The following EXT1 variants were observed in gnomAD, a reference collection of about 807,000 sequenced individuals.
EXT1 encodes the protein exostosin-1.
EXT1 carries 20 observed loss-of-function variants against 82.5 expected under a neutral mutation model. The ratio of observed to expected loss-of-function variants is 0.24; its 90% confidence interval spans 0.17 to 0.35. The LOEUF (loss-of-function observed/expected upper bound fraction) is 0.35, where lower values mean the gene tolerates loss of function less well. Ranked by LOEUF, EXT1 falls within the 10% of genes least tolerant of loss-of-function variation. The pLI, the probability that EXT1 is intolerant of heterozygous loss-of-function variation, is 1.00. For synonymous variants in EXT1, 348 were observed against 350.8 expected, an observed-to-expected ratio of 0.99 and a Z score of 0.09; for missense variants, 757 against 936.5, an observed-to-expected ratio of 0.81 and a Z score of 2.50.
rs17453133 is a variant in EXT1, at chr8:117,914,354, T to C, written c.963-77153A>G. On this transcript the variant is annotated intron_variant, in intron 1 of 10. Coordinates refer to ENST00000378204, the MANE Select transcript of EXT1 (RefSeq NM_000127.3). ...CACTGTGATAATTGTGTTAACGGTA[T>C]AAATTGATTGTAAAACGTGTGTTTG... Among the ~76,000 whole-genome samples, 933 of 152,294 alleles carry C rather than the reference T, an allele frequency of 6.1e-3. 3 individuals carry two copies. Among genetic ancestry groups the C allele is most frequent in the African/African-American group, 0.01 (430 of 41,564 alleles).
intron 3 of EXT1, among the ~76,000 whole-genome samples, chr8:117,832,515 T>TCC (rs1812118065): frequency 7.0e-6 from 1 of 143,034 alleles, no homozygotes; most frequent in Non-Finnish European, 1.6e-5. Flanking sequence ...AGAGCAAGAC[T>TCC]GTCTTAAAAA....
intron 1 of EXT1, among the ~76,000 whole-genome samples, chr8:118,036,324 G>A (rs142275856): frequency 2.2e-3 from 329 of 151,628 alleles, no homozygotes; most frequent in African/African-American, 7.2e-3. Context: ...TCCCCCTATC[G>A]CCTTCCCTTT....
At chr8:118,049,254 C>T (rs186922107) in intron 1 of EXT1, among the ~76,000 whole-genome samples, 7 of 152,236 alleles carry the variant, frequency 4.6e-5, no homozygotes, top group Admixed American at 2.0e-4. Context: ...ACATTAAAAC[C>T]CACACTGCAA....
chr8:117,922,296 A>G (rs1813871773), intron 1 of EXT1, among the ~76,000 whole-genome samples: 2 of 152,134 alleles, frequency 1.3e-5, no homozygotes, highest in African/African-American at 4.8e-5. Flanking sequence ...GTCTAAGTAA[A>G]CAAACAAACA....
chr8:117,968,100 T>A (rs880400), intron 1 of EXT1, among the ~76,000 whole-genome samples: 1,874 of 152,242 alleles, frequency 0.012, 34 homozygotes, highest in African/African-American at 0.04. Flanking sequence ...ATATAAACAA[T>A]AAAATTTACT....
At chr8:117,846,300 G>T (rs1430199565) in intron 1 of EXT1, among the ~76,000 whole-genome samples, 1 of 152,056 alleles carries the variant, frequency 6.6e-6, no homozygotes, top group Admixed American at 6.5e-5. Flanking sequence ...TAGAGATGGG[G>T]TTTCATCATG....
intron 1 of EXT1, among the ~76,000 whole-genome samples, chr8:117,855,482 A>C (rs1427242060): frequency 1.3e-5 from 2 of 152,160 alleles, no homozygotes; most frequent in East Asian, 3.8e-4. Context: ...CACAAAACTC[A>C]CCCATATTAA....
At position 118,059,336 on chromosome 8, in the gene EXT1, C is replaced by T. The variant is rs182595989; in HGVS notation, c.962+50749G>A. On this transcript the variant is annotated intron_variant, in intron 1 of 10. Coordinates refer to ENST00000378204, the MANE Select transcript of EXT1 (RefSeq NM_000127.3). Reference sequence around the variant, plus strand: ...CCCTTCCCGCTATGGTCCTGGGGTACGGCTAGCCATATGGGGAGCTTAATG... The same window carrying T: ...CCCTTCCCGCTATGGTCCTGGGGTATGGCTAGCCATATGGGGAGCTTAATG... 5.3e-5 allele frequency among the ~76,000 whole-genome samples: 8 copies of T among 152,242 alleles called. No homozygotes were observed. In the East Asian group the frequency reaches 1.2e-3, roughly 22 times the overall value.
chr8:117,805,668 T>C (rs1334022559), intron 9 of EXT1, among the ~76,000 whole-genome samples: 2 of 152,216 alleles, frequency 1.3e-5, no homozygotes, highest in African/African-American at 4.8e-5. Context: ...TGTTTATGCC[T>C]TGAGCATTTC....
chr8:117,819,463 C>T (rs1811884442), intron 6 of EXT1, among the ~76,000 whole-genome samples: 2 of 152,162 alleles, frequency 1.3e-5, no homozygotes, highest in Non-Finnish European at 2.9e-5. Flanking sequence ...CTCTCTGTAA[C>T]CCATCCCTTC....
At chr8:117,895,946 T>C (rs1456294263) in intron 1 of EXT1, among the ~76,000 whole-genome samples, 1 of 152,184 alleles carries the variant, frequency 6.6e-6, no homozygotes, top group Non-Finnish European at 1.5e-5. Context: ...CATTCCACAT[T>C]GGCCTACCTG....
intron 1 of EXT1, among the ~76,000 whole-genome samples, chr8:118,105,962 T>C (rs749419917): frequency 1.3e-5 from 2 of 152,214 alleles, no homozygotes; most frequent in African/African-American, 4.8e-5. Context: ...CAATGCACAG[T>C]CTATTCCCTA....
At chr8:117,839,690 G>A (rs1812243797) in intron 1 of EXT1, among the ~76,000 whole-genome samples, 1 of 152,214 alleles carries the variant, frequency 6.6e-6, no homozygotes, top group South Asian at 2.1e-4. Context: ...CCACAAGTGG[G>A]CAGACAACTA....
chr8:118,003,815 T>A (rs970180168), intron 1 of EXT1, among the ~76,000 whole-genome samples: 1 of 152,232 alleles, frequency 6.6e-6, no homozygotes. Context: ...ACCTCCAGCA[T>A]GGTTAAATAA....
intron 1 of EXT1, among the ~76,000 whole-genome samples, chr8:117,979,168 T>C (rs1586321545): frequency 6.6e-6 from 1 of 151,944 alleles, no homozygotes; most frequent in Non-Finnish European, 1.5e-5. Flanking sequence ...GCCTGGCCAA[T>C]ATGGTGAAAT....
At chr8:117,828,371 G>T (rs1812041648) in intron 4 of EXT1, among the ~76,000 whole-genome samples, 1 of 152,018 alleles carries the variant, frequency 6.6e-6, no homozygotes, top group East Asian at 1.9e-4. Flanking sequence ...GCAACATAAC[G>T]AGACCTTGTC....
intron 1 of EXT1, among the ~76,000 whole-genome samples, chr8:118,002,305 T>C (rs960895942): frequency 4.3e-4 from 60 of 139,782 alleles, no homozygotes; most frequent in Admixed American, 4.1e-3. Context: ...CGCTTGAGCC[T>C]GGGAGGCAGA....
At chr8:117,957,495 G>A (rs1244805064) in intron 1 of EXT1, among the ~76,000 whole-genome samples, 1 of 152,130 alleles carries the variant, frequency 6.6e-6, no homozygotes, top group Non-Finnish European at 1.5e-5. Flanking sequence ...GAGCCCCAAC[G>A]GGAGACAGAC....
At position 117,837,220 on chromosome 8, in the gene EXT1, T is replaced by G. The variant is rs1812202548; in HGVS notation, c.963-19A>C. 6.3e-7 allele frequency: 1 copy of G among 1,593,794 alleles called. No homozygotes were observed. On this transcript the variant is annotated intron_variant, in intron 1 of 10. Transcript: ENST00000378204. The stretch of plus-strand genomic sequence containing the variant: ...ATCATACCTAGAAAGAGAAGAGGAG[T>G]AAACAGCAAATGAAGACTCATTGCG...
Sources: allele counts gnomAD v4.1 joint callset (sites outside exome capture counted in the v4.1 genomes callset), GRCh38; gene constraint gnomAD v4.1.1; transcripts MANE v1.5; gene names NCBI Gene and HGNC (gene_info 2026-07-23, HGNC 2026-07-21).